Variants in CSGALNACT1 observed in about 807,000 individuals in gnomAD.
CSGALNACT1 encodes the protein beta4GalNAcT-1.
Under a neutral mutation model 51.0 loss-of-function variants are expected in CSGALNACT1, and 52 were observed. The ratio of observed to expected loss-of-function variants is 1.02; its 90% CI spans 0.82 to 1.29. The LOEUF (loss-of-function observed/expected upper bound fraction) is 1.29. Among genes scored for constraint, CSGALNACT1 ranks in the 50% most tolerant of loss-of-function variants. The pLI is 0.00. For synonymous variants in CSGALNACT1, 341 were observed against 254.4 expected (o/e 1.34, Z -3.24); for missense variants, 935 against 679.2 (o/e 1.38, Z -4.19).
rs1360348828 is a variant in CSGALNACT1 at position 19,501,298 on chromosome 8, C to G, written c.634+3903G>C. Among the ~76,000 whole-genome samples the G allele has an allele frequency of 2.7e-5, 4 of 148,896 alleles. No homozygotes were observed. The East Asian group carries it at 7.9e-4, about 29-fold the overall frequency. On this transcript the variant is annotated intron_variant, in intron 4 of 9. Coordinates refer to ENST00000454498, the Ensembl canonical transcript of CSGALNACT1. ...TAAGGGCAAGCTAGCAAATGCTACA[C>G]AGAACCTCTCTTACATGGGCCTTAA...
At chr8:19,540,963 C>A (rs2084964842) in intron 3 of CSGALNACT1, among the ~76,000 whole-genome samples, 1 of 152,190 alleles carries the variant, frequency 6.6e-6, no homozygotes, top group Non-Finnish European at 1.5e-5. Context: ...CAAGCCCCTA[C>A]CCTGTCCCCA....
intron 5 of CSGALNACT1, among the ~76,000 whole-genome samples, chr8:19,441,504 C>T (rs987284657): frequency 6.6e-6 from 1 of 152,190 alleles, no homozygotes; most frequent in African/African-American, 2.4e-5. Context: ...GCTGGGAAAA[C>T]TGGCTAGCCA....
chr8:19,416,771 T>A (rs886966424), intron 8 of CSGALNACT1, among the ~76,000 whole-genome samples: 1 of 152,212 alleles, frequency 6.6e-6, no homozygotes, highest in African/African-American at 2.4e-5. Context: ...ATTGCATAAG[T>A]GCGCTGTATG....
chr8:19,506,171 A>C, intron 3 of CSGALNACT1, 41 bp from the exon 3 acceptor site: 43 of 509,764 alleles, frequency 8.4e-5, no homozygotes, highest in East Asian at 2.0e-4. Context: ...TAATCAAGAC[A>C]ACGACTCCCT....
intron 4 of CSGALNACT1, among the ~76,000 whole-genome samples, chr8:19,493,245 C>T (rs1587151531): frequency 6.6e-6 from 1 of 152,134 alleles, no homozygotes; most frequent in African/African-American, 2.4e-5. Context: ...CTTCGGTCAC[C>T]TCAACTATTT....
intron 6 of CSGALNACT1, among the ~76,000 whole-genome samples, chr8:19,437,847 T>C (rs1021709698): frequency 4.6e-5 from 7 of 152,198 alleles, no homozygotes; most frequent in African/African-American, 1.4e-4. Context: ...AGGCAAACCA[T>C]CTCTACCACT....
At chr8:19,694,343 T>C (rs540984964) in intron 1 of CSGALNACT1, among the ~76,000 whole-genome samples, 1 of 152,350 alleles carries the variant, frequency 6.6e-6, no homozygotes, top group South Asian at 2.1e-4. Context: ...AAGCTTCTTG[T>C]TCTGTAGAGA....
intron 7 of CSGALNACT1, 73 bp downstream of exon 6, chr8:19,420,267 C>T (rs1217171925): frequency 1.5e-6 from 2 of 1,340,920 alleles, no homozygotes; most frequent in Admixed American, 1.7e-5. Flanking sequence ...GAGTGACTGA[C>T]CCATCAAGAG....
At chr8:19,472,750 A>C (rs1345321936) in intron 4 of CSGALNACT1, among the ~76,000 whole-genome samples, 3 of 152,232 alleles carry the variant, frequency 2.0e-5, no homozygotes, top group African/African-American at 7.2e-5. Context: ...TGCTTCAAAA[A>C]GCTTATCAAC....
intron 1 of CSGALNACT1, among the ~76,000 whole-genome samples, chr8:19,666,804 A>AG (rs1491320338): frequency 9.0e-5 from 2 of 22,316 alleles, no homozygotes; most frequent in African/African-American, 6.4e-4. Flanking sequence ...AGAAAGAAAG[A>AG]AAGAAAGAGA....
At chr8:19,460,192 C>T (rs557697412) in intron 4 of CSGALNACT1, among the ~76,000 whole-genome samples, 39 of 152,300 alleles carry the variant, frequency 2.6e-4, no homozygotes, top group African/African-American at 9.4e-4. Context: ...TTTCTAGTTT[C>T]ACTTTCTGCC....
intron 6 of CSGALNACT1, among the ~76,000 whole-genome samples, chr8:19,437,132 T>G (rs555073847): frequency 1.3e-4 from 19 of 151,978 alleles, no homozygotes; most frequent in Non-Finnish European, 2.2e-4. Flanking sequence ...GCGCACCAAG[T>G]GCCAGATTTA....
intron 3 of CSGALNACT1, among the ~76,000 whole-genome samples, chr8:19,533,530 G>C (rs898032749): frequency 6.6e-6 from 1 of 151,908 alleles, no homozygotes; most frequent in Non-Finnish European, 1.5e-5. Flanking sequence ...GATTTTCTTC[G>C]CTAGTGTACC....
chr8:19,583,330 T>C (rs2154124404), intron 3 of CSGALNACT1, among the ~76,000 whole-genome samples: 1 of 152,340 alleles, frequency 6.6e-6, no homozygotes, highest in Non-Finnish European at 1.5e-5. Context: ...TATTCTCTAG[T>C]ATCTTTTCAT....
At chr8:19,752,098 ACATTATTAT>A (rs1407202734) in intron 1 of CSGALNACT1, among the ~76,000 whole-genome samples, 1 of 147,128 alleles carries the variant, frequency 6.8e-6, no homozygotes, top group Non-Finnish European at 1.5e-5. Context: ...TAAATGATAT[ACATTATTAT>A]ATTATATATA....
At chr8:19,520,150 G>A (rs945627382) in intron 3 of CSGALNACT1, among the ~76,000 whole-genome samples, 1 of 152,220 alleles carries the variant, frequency 6.6e-6, no homozygotes. Context: ...GCACACAAAT[G>A]AGGGGCTTTC....
At chr8:19,437,352 C>T (rs941073598) in intron 6 of CSGALNACT1, among the ~76,000 whole-genome samples, 14 of 152,066 alleles carry the variant, frequency 9.2e-5, no homozygotes, top group Admixed American at 2.6e-4. Context: ...AGCAGTGAGT[C>T]GTAAAGACAG....
intron 4 of CSGALNACT1, among the ~76,000 whole-genome samples, chr8:19,463,592 T>C (rs2066022743): frequency 6.6e-6 from 1 of 152,180 alleles, no homozygotes; most frequent in Admixed American, 6.5e-5. Context: ...AAATGGCAAG[T>C]ACAAAGCAAA....
At chr8:19,595,299 A>G (rs1465047590) in intron 2 of CSGALNACT1, among the ~76,000 whole-genome samples, 2 of 152,148 alleles carry the variant, frequency 1.3e-5, no homozygotes, top group African/African-American at 2.4e-5. Flanking sequence ...TATTTTTCTC[A>G]TTTCTCTGTG....
Sources: allele counts gnomAD v4.1 joint callset (sites outside exome capture counted in the v4.1 genomes callset), GRCh38; gene constraint gnomAD v4.1.1; transcripts MANE v1.5; gene names NCBI Gene and HGNC (gene_info 2026-07-23, HGNC 2026-07-21).